NRBF2: variants seen among roughly 807,000 people sequenced by gnomAD.
NRBF2 encodes the protein nuclear receptor binding factor 2, also known as nuclear receptor-binding factor 2.
Under a neutral mutation model 28.5 loss-of-function variants are expected in NRBF2, and 12 were observed. The observed-to-expected ratio is 0.42, with a 90% CI of 0.27 to 0.68. The LOEUF (loss-of-function observed/expected upper bound fraction) is 0.68, where lower values mean the gene tolerates loss of function less well. NRBF2 is among the 30% of genes least tolerant of loss of function. The probability of loss-of-function intolerance (pLI) is 0.24; values close to 1 mark genes in which losing one functional copy is unlikely to be tolerated. For synonymous variants in NRBF2, 102 were observed against 116.5 expected (o/e 0.88, Z 0.80); for missense variants, 274 against 333.5 (o/e 0.82, Z 1.39).
At chr10:63,143,404 G>C (rs1389431817) in intron 1 of NRBF2, among the ~76,000 whole-genome samples, 2 of 152,074 alleles carry the variant, frequency 1.3e-5, no homozygotes, top group Admixed American at 6.6e-5. Flanking sequence ...GCATCAAAGG[G>C]ACATGTCTTT....
At chr10:63,152,064 A>G (rs917650285) in intron 2 of NRBF2, 86 bp from the exon 3 acceptor site, 1 of 964,742 alleles carries the variant, frequency 1.0e-6, no homozygotes, top group Admixed American at 2.0e-5. Context: ...TCTCTTTGTC[A>G]TATGAAGATT....
chr10:63,140,514 C>T (rs1000149949), intron 1 of NRBF2, among the ~76,000 whole-genome samples: 4 of 151,922 alleles, frequency 2.6e-5, no homozygotes, highest in Non-Finnish European at 5.9e-5. Context: ...ACCTCCTGAG[C>T]TTCTGATCCT....
chr10:63,150,357 G>A, intron 2 of NRBF2: 1 of 982,268 alleles, frequency 1.0e-6, no homozygotes, highest in Non-Finnish European at 1.2e-6. Context: ...TGTAATTATG[G>A]TAAGCATAGC....
At chr10:63,135,588 T>A (rs1676718877) in intron 1 of NRBF2, among the ~76,000 whole-genome samples, 1 of 151,864 alleles carries the variant, frequency 6.6e-6, no homozygotes, top group African/African-American at 2.4e-5. Context: ...CTAGCGTAAC[T>A]CCGTATTTCA....
chr10:63,139,993 C>CTT (rs1211745653), intron 1 of NRBF2, among the ~76,000 whole-genome samples: 1 of 151,866 alleles, frequency 6.6e-6, no homozygotes, highest in Non-Finnish European at 1.5e-5. Context: ...AAAAAAATAG[C>CTT]TGAGCATGGT....
At chr10:63,137,185 A>G (rs1276673659) in intron 1 of NRBF2, among the ~76,000 whole-genome samples, 2 of 152,150 alleles carry the variant, frequency 1.3e-5, no homozygotes, top group Admixed American at 1.3e-4. Flanking sequence ...GTGTTGCCCA[A>G]GCTGGTCTTG....
intron 1 of NRBF2, among the ~76,000 whole-genome samples, chr10:63,142,289 C>CTTTT (rs1841482176): frequency 6.8e-6 from 1 of 148,112 alleles, no homozygotes; most frequent in Non-Finnish European, 1.5e-5. Context: ...GAATCAGAAC[C>CTTTT]TTTGTTTTTT....
Position 63,153,755 on chromosome 10 carries a change from T to G in NRBF2, c.401T>G (p.Phe134Cys). The G allele has an allele frequency of 6.2e-7, 1 of 1,612,824 alleles. No homozygotes were observed. Among genetic ancestry groups the G allele is most frequent in the East Asian group, 2.2e-5 (1 of 44,870 alleles). Residue 134 changes from phenylalanine to cysteine, a missense_variant, in exon 4 of 4, where the codon TTT (phenylalanine) becomes TGT (cysteine). Transcript: ENST00000277746. ...EKCLPEIQGI[F>C]DRDPDTLLYL... ...TGCCTGCCTGAGATTCAGGGGATCT[T>G]TGACAGGGATCCAGACACACTACTT...
intron 2 of NRBF2, 91 bp from the exon 3 acceptor site, chr10:63,152,057 CTT>C (rs1841659903): frequency 1.1e-6 from 1 of 903,688 alleles, no homozygotes; most frequent in Non-Finnish European, 1.8e-6. Context: ...GACCAGTTCT[CTT>C]TGTCATATGA....
intron 2 of NRBF2, 72 bp downstream of exon 2, chr10:63,146,365 C>A: frequency 9.6e-7 from 1 of 1,044,300 alleles, no homozygotes; most frequent in East Asian, 2.5e-5. Flanking sequence ...ATGTGTGTTG[C>A]TTTTCATATG....
chr10:63,151,572 A>G (rs947943617), intron 2 of NRBF2, among the ~76,000 whole-genome samples: 2 of 152,206 alleles, frequency 1.3e-5, no homozygotes, highest in African/African-American at 2.4e-5. Flanking sequence ...AATTCAAACA[A>G]ATAGTCACCG....
chr10:63,152,138 T>G lies in NRBF2; in HGVS notation c.116-12T>G. The G allele has an allele frequency of 6.2e-7, 1 of 1,609,088 alleles. No homozygotes were observed. Among genetic ancestry groups the G allele is most frequent in the South Asian group, 1.1e-5 (1 of 90,844 alleles). ...AGACACATATTAACATGCCTATTTTTTCTCTTAACAGCATATCTTTCTGAA... is the reference window on the plus strand; with the variant it reads ...AGACACATATTAACATGCCTATTTTGTCTCTTAACAGCATATCTTTCTGAA... On this transcript the variant is annotated splice_polypyrimidine_tract_variant and intron_variant, in intron 2 of 3. Transcript: ENST00000277746.
chr10:63,153,976 A>C lies in NRBF2; in HGVS notation c.622A>C (p.Lys208Gln). 6.2e-7 allele frequency: 1 copy of C among 1,611,868 alleles called. No individual in the cohort carries two copies. Among genetic ancestry groups the C allele is most frequent in the Non-Finnish European group, 8.5e-7 (1 of 1,179,796 alleles). The change falls in exon 4 of 4, where the codon AAA becomes CAA. Residue 208 changes from lysine (K) to glutamine (Q), a missense_variant. Lys to Gln is a moderately conservative substitution (Grantham distance 53). Coordinates refer to ENST00000277746, the MANE Select transcript of NRBF2 (RefSeq NM_030759.5). ...AAAGGCTGAAAAGGCCAGACTTCTA[A>C]AAGGTCCAATAGAAAAGGAGCTGGA... Reference protein sequence around the residue: ...QLKAEKARLLKGPIEKELDVD... With the variant: ...QLKAEKARLLQGPIEKELDVD...
Position 63,135,637 on chromosome 10 carries a change from ATCTTGAATTCTTTT to A in NRBF2, c.30+2139_30+2152del, listed in dbSNP as rs578106537. ...TGTAGGCAAGTATCAGAAATTTGGC[ATCTTGAATTCTTTT>A]TTTTTTTTTTTTTTGAGATGGAGTC... is the stretch of plus-strand genomic sequence containing the variant. On this transcript the variant is annotated intron_variant, in intron 1 of 3. Coordinates refer to ENST00000277746, the MANE Select transcript of NRBF2 (RefSeq NM_030759.5). Among the ~76,000 whole-genome samples the A allele has an allele frequency of 8.8e-3, 1,313 of 149,786 alleles. 12 individuals are homozygous for A. The highest frequency in any genetic ancestry group is 0.035 in the East Asian group (178 of 5,120).
At chr10:63,134,352 A>G (rs1427319696) in intron 1 of NRBF2, among the ~76,000 whole-genome samples, 1 of 152,202 alleles carries the variant, frequency 6.6e-6, no homozygotes, top group Non-Finnish European at 1.5e-5. Flanking sequence ...TAAAAGTCAG[A>G]TTACTTAAGG....
chr10:63,140,901 A>C (rs990425309), intron 1 of NRBF2, among the ~76,000 whole-genome samples: 1 of 151,836 alleles, frequency 6.6e-6, no homozygotes, highest in African/African-American at 2.4e-5. Context: ...AAGTTTCACT[A>C]TGTTGGCCAG....
intron 1 of NRBF2, among the ~76,000 whole-genome samples, chr10:63,138,938 A>G (rs1830031770): frequency 6.6e-6 from 1 of 152,176 alleles, no homozygotes; most frequent in South Asian, 2.1e-4. Context: ...AGACCCTACC[A>G]TAAGGTCAGG....
intron 3 of NRBF2, among the ~76,000 whole-genome samples, 166 bp from the exon 4 acceptor site, chr10:63,153,345 G>A (rs1841678132): frequency 6.6e-6 from 1 of 152,222 alleles, no homozygotes; most frequent in Non-Finnish European, 1.5e-5. Context: ...TTAGTGTATT[G>A]ATTGGGAATA....
intron 1 of NRBF2, among the ~76,000 whole-genome samples, chr10:63,139,991 A>G (rs1303299754): frequency 5.3e-5 from 8 of 151,930 alleles, no homozygotes; most frequent in Non-Finnish European, 1.5e-5. Context: ...AAAAAAAAAT[A>G]GCTGAGCATG....
Sources: gnomAD v4.1 joint callset for allele counts (sites outside exome capture counted in the v4.1 genomes callset) on GRCh38, gnomAD v4.1.1 for gene constraint, MANE v1.5 for transcripts, NCBI Gene and HGNC (gene_info 2026-07-23, HGNC 2026-07-21) for gene names.